Variants in AKAP13 observed in about 807,000 individuals in gnomAD.
AKAP13 encodes the protein A-kinase anchor protein 13.
Under a neutral mutation model 264.5 loss-of-function variants are expected in AKAP13, and 80 were observed. The observed-to-expected ratio is 0.30, with a 90% CI of 0.25 to 0.36. AKAP13 has a LOEUF of 0.36. Among genes scored for constraint, AKAP13 ranks in the 10% least tolerant of loss-of-function variants. The pLI is 1.00. For synonymous variants in AKAP13, 1,380 were observed against 1,250.2 expected, an observed-to-expected ratio of 1.10 and a Z score of -2.19; for missense variants, 3,712 against 3,435.2, an observed-to-expected ratio of 1.08 and a Z score of -2.01.
chr15:85,402,724 G>T (rs1217493805), intron 1 of AKAP13, among the ~76,000 whole-genome samples: 1 of 152,020 alleles, frequency 6.6e-6, no homozygotes, highest in Non-Finnish European at 1.5e-5. Flanking sequence ...ACTTAACCCT[G>T]GGGTGGTCTT....
intron 14 of AKAP13, among the ~76,000 whole-genome samples, chr15:85,681,749 G>T (rs2084613108): frequency 8.1e-6 from 1 of 123,478 alleles, no homozygotes; most frequent in Non-Finnish European, 1.9e-5. Context: ...ACATATAAAA[G>T]CAGTATTAAC....
chr15:85,414,985 A>G (rs2072167798), intron 1 of AKAP13, among the ~76,000 whole-genome samples: 1 of 152,192 alleles, frequency 6.6e-6, no homozygotes, highest in Non-Finnish European at 1.5e-5. Flanking sequence ...AGAATGTGAG[A>G]AAGTGTGACC....
chr15:85,443,133 C>G (rs372480947), intron 1 of AKAP13, among the ~76,000 whole-genome samples: 3 of 151,904 alleles, frequency 2.0e-5, no homozygotes, highest in Non-Finnish European at 2.9e-5. Context: ...GTTCTCCCCC[C>G]ACCCCCCAAC....
intron 5 of AKAP13, among the ~76,000 whole-genome samples, chr15:85,565,559 T>C (rs1048327863): frequency 6.6e-6 from 1 of 152,234 alleles, no homozygotes; most frequent in Non-Finnish European, 1.5e-5. Context: ...AATTACCAAC[T>C]GTAGATGTAG....
intron 1 of AKAP13, among the ~76,000 whole-genome samples, chr15:85,468,632 T>C (rs1287164342): frequency 6.6e-6 from 1 of 152,214 alleles, no homozygotes; most frequent in Non-Finnish European, 1.5e-5. Flanking sequence ...GCACAACAAG[T>C]AGTTTCTAAT....
In AKAP13 at chr15:85,575,216, T is replaced by C; in HGVS notation, c.748T>C (p.Leu250=). Residue 250 remains leucine, a synonymous_variant, in exon 6 of 37, where the codon TTG becomes CTG. Coordinates refer to ENST00000394518, the MANE Select transcript of AKAP13 (RefSeq NM_007200.5). ...GDCSVRHHRE[L]DIYTLTSESD... ...CTGTTCTGTGAGGCATCATCGAGAG[T>C]TGGACATCTATACATTAACCTCTGA... is the stretch of plus-strand genomic sequence containing the variant. 6.2e-7 allele frequency: 1 copy of C among 1,613,956 alleles called. No individual in the cohort carries two copies. The highest frequency in any genetic ancestry group is 8.5e-7 in the Non-Finnish European group (1 of 1,179,968).
Position 85,581,042 on chromosome 15 carries a change from A to G in AKAP13, c.2974A>G (p.Lys992Glu), listed in dbSNP as rs2079134867. The change falls in exon 7 of 37, where the codon AAG (lysine) becomes GAG (glutamate). Residue 992 changes from lysine to glutamate, a missense_variant. Lys to Glu is a moderately conservative substitution (Grantham distance 56). Transcript: ENST00000394518. ...NSPGASSAFL[K>E]AETEHNKEVA... Reference sequence around the variant, plus strand: ...ACCGGGTGCATCCTCTGCCTTTCTTAAGGCAGAAACTGAACATAACAAGGA... The same window carrying G: ...ACCGGGTGCATCCTCTGCCTTTCTTGAGGCAGAAACTGAACATAACAAGGA... 6.2e-7 allele frequency: 1 copy of G among 1,613,928 alleles called. No individual in the cohort carries two copies. Among genetic ancestry groups the G allele is most frequent in the South Asian group, 1.1e-5 (1 of 91,082 alleles).
chr15:85,507,372 T>C (rs558315450), intron 2 of AKAP13, among the ~76,000 whole-genome samples: 35 of 141,536 alleles, frequency 2.5e-4, no homozygotes, highest in African/African-American at 8.7e-4. Flanking sequence ...CTATGGCTCC[T>C]TTTGTGCTAC....
intron 8 of AKAP13, among the ~76,000 whole-genome samples, chr15:85,624,037 G>A (rs144991020): frequency 1.3e-5 from 2 of 152,326 alleles, no homozygotes; most frequent in African/African-American, 4.8e-5. Flanking sequence ...AGCATTACTA[G>A]AGGACAGCAG....
intron 19 of AKAP13, among the ~76,000 whole-genome samples, chr15:85,714,503 G>A (rs557226282): frequency 1.4e-4 from 22 of 152,350 alleles, no homozygotes; most frequent in African/African-American, 3.8e-4. Flanking sequence ...AGCAGGGAGC[G>A]CAGAAGAATC....
At position 85,745,960 on chromosome 15, in the gene AKAP13, T is replaced by A. The variant is rs1247340062; in HGVS notation, c.*1283T>A. 1 of 152,540 alleles carries A rather than the reference T, an allele frequency of 6.6e-6. No homozygotes were observed. The highest frequency in any genetic ancestry group is 1.5e-5 in the Non-Finnish European group (1 of 68,284). The allele number at this position is 152,540 out of a possible 1,614,324, so 9.4% of individuals were successfully genotyped here. A position where few individuals can be genotyped will look rare whatever the true frequency, so the allele number is the denominator to read the frequency against. ...ATGGCTGCCTGCTGCTCGGCTTTGC[T>A]TTTGCTTTTCCCACCGTGTTTTCAT... is the stretch of plus-strand genomic sequence containing the variant. On this transcript the variant is annotated 3_prime_UTR_variant, in exon 37 of 37. Transcript: ENST00000394518.
chr15:85,695,828 T>G (rs2085536142), intron 17 of AKAP13, among the ~76,000 whole-genome samples: 1 of 152,322 alleles, frequency 6.6e-6, no homozygotes, highest in South Asian at 2.1e-4. Context: ...AGACTGTCAC[T>G]GTTCAGTATT....
rs377614429 is a variant in AKAP13 at position 85,672,083 on chromosome 15, G to A, written c.5101+2253G>A. Among the ~76,000 whole-genome samples the A allele has an allele frequency of 6.5e-4, 99 of 152,168 alleles. 1 individual carries two copies. The highest frequency in any genetic ancestry group is 2.2e-3 in the African/African-American group (90 of 41,494). ...TCTGACACATAGAGCTTTTCTTCCC[G>A]TTGCTGAGAATTTTTCTGCTCAACT... On this transcript the variant is annotated intron_variant, in intron 14 of 36. Transcript: ENST00000394518.
intron 1 of AKAP13, among the ~76,000 whole-genome samples, chr15:85,444,583 A>G (rs2073834730): frequency 6.6e-6 from 1 of 152,174 alleles, no homozygotes; most frequent in Non-Finnish European, 1.5e-5. Context: ...AAAATTGGGA[A>G]GAAAATCTGT....
chr15:85,542,671 A>G (rs540243483), intron 4 of AKAP13, among the ~76,000 whole-genome samples: 1 of 152,294 alleles, frequency 6.6e-6, no homozygotes, highest in African/African-American at 2.4e-5. Flanking sequence ...TTGTGGGGCT[A>G]TATGTGGCAT....
intron 5 of AKAP13, among the ~76,000 whole-genome samples, chr15:85,559,675 C>T (rs1035789491): frequency 6.2e-5 from 8 of 129,188 alleles, no homozygotes; most frequent in African/African-American, 1.2e-4. Flanking sequence ...ATAGGGTTCA[C>T]GCTCCTGTGA....
At chr15:85,492,182 CT>C (rs1567085502) in intron 2 of AKAP13, among the ~76,000 whole-genome samples, 1 of 152,194 alleles carries the variant, frequency 6.6e-6, no homozygotes, top group Non-Finnish European at 1.5e-5. Flanking sequence ...CAAGTTTACT[CT>C]TCCATTTCAT....
At chr15:85,552,721 G>A (rs912062051) in intron 5 of AKAP13, among the ~76,000 whole-genome samples, 3 of 141,486 alleles carry the variant, frequency 2.1e-5, no homozygotes, top group African/African-American at 5.2e-5. Context: ...TCCGCCTCCC[G>A]GGTTCAAGTG....
At chr15:85,640,911 A>G (rs1349641047) in intron 9 of AKAP13, among the ~76,000 whole-genome samples, 1 of 152,160 alleles carries the variant, frequency 6.6e-6, no homozygotes, top group East Asian at 1.9e-4. Flanking sequence ...ACAATTTTGA[A>G]TTCTGTAGAC....
Sources: gnomAD v4.1 joint callset for allele counts (sites outside exome capture counted in the v4.1 genomes callset) on GRCh38, gnomAD v4.1.1 for gene constraint, MANE v1.5 for transcripts, NCBI Gene and HGNC (gene_info 2026-07-23, HGNC 2026-07-21) for gene names.